Variants in EYA2 observed in about 807,000 individuals in gnomAD.
The protein encoded by EYA2 is EYA transcriptional coactivator and phosphatase 2.
EYA2 carries 31 observed loss-of-function variants against 69.2 expected under a neutral mutation model. The ratio of observed to expected loss-of-function variants is 0.45; its 90% confidence interval spans 0.34 to 0.60. The LOEUF (loss-of-function observed/expected upper bound fraction) is 0.60, where lower values mean the gene tolerates loss of function less well. Ranked by LOEUF, EYA2 falls within the 20% of genes least tolerant of loss-of-function variation. The pLI is 0.02. For synonymous variants in EYA2, 257 were observed against 279.4 expected (o/e 0.92, Z 0.80); for missense variants, 622 against 701.2 (o/e 0.89, Z 1.28).
At chr20:47,041,864 T>C (rs921676496) in intron 5 of EYA2, among the ~76,000 whole-genome samples, 6 of 152,150 alleles carry the variant, frequency 3.9e-5, no homozygotes, top group African/African-American at 1.4e-4. Flanking sequence ...ACAGACTTCT[T>C]TTGGTTCAAA....
chr20:46,904,143 T>C (rs1313646606), intron 1 of EYA2, among the ~76,000 whole-genome samples: 1 of 152,218 alleles, frequency 6.6e-6, no homozygotes, highest in Non-Finnish European at 1.5e-5. Flanking sequence ...AGCAGGGGTC[T>C]GACCCTCTCA....
At chr20:47,167,271 GT>G (rs776477690) in intron 10 of EYA2, among the ~76,000 whole-genome samples, 4 of 116,968 alleles carry the variant, frequency 3.4e-5, no homozygotes, top group African/African-American at 7.0e-5. Context: ...AGGAGAATCG[GT>G]TTTTTTACTT....
chr20:47,159,766 G>T (rs11696620), intron 10 of EYA2, among the ~76,000 whole-genome samples: 34,455 of 151,856 alleles, frequency 0.23, 4,905 homozygotes, highest in African/African-American at 0.41. Flanking sequence ...AAGGTGGGCG[G>T]ATCACTTGTG....
chr20:47,078,457 A>G (rs189155741), intron 7 of EYA2, among the ~76,000 whole-genome samples: 13 of 152,304 alleles, frequency 8.5e-5, no homozygotes, highest in African/African-American at 1.7e-4. Context: ...CAGAGGCTCT[A>G]GAGGTTTACT....
intron 1 of EYA2, among the ~76,000 whole-genome samples, chr20:46,968,935 G>A (rs553218821): frequency 8.9e-4 from 136 of 152,260 alleles, no homozygotes; most frequent in African/African-American, 3.2e-3. Flanking sequence ...TATCTCATGG[G>A]TTATTTTAAG....
intron 1 of EYA2, among the ~76,000 whole-genome samples, chr20:46,919,788 C>G (rs1370266850): frequency 6.6e-6 from 1 of 152,248 alleles, no homozygotes; most frequent in Admixed American, 6.5e-5. Context: ...TAGCTTTCAT[C>G]CTGTCTCAGC....
chr20:47,097,953 G>A (rs924777832), intron 9 of EYA2, among the ~76,000 whole-genome samples: 10 of 152,290 alleles, frequency 6.6e-5, no homozygotes, highest in African/African-American at 1.9e-4. Context: ...CTGCTTCCAC[G>A]CATGGGTAGG....
chr20:47,117,288 G>A, intron 9 of EYA2: 3 of 820,998 alleles, frequency 3.7e-6, no homozygotes, highest in Non-Finnish European at 4.4e-6. Context: ...GGGGTTACAG[G>A]CATGAGCCAC....
chr20:46,985,275 A>G (rs765147991), intron 1 of EYA2, among the ~76,000 whole-genome samples: 75 of 152,282 alleles, frequency 4.9e-4, no homozygotes, highest in Non-Finnish European at 7.6e-4. Context: ...GATGGAATGA[A>G]CAAGATTCTG....
intron 9 of EYA2, among the ~76,000 whole-genome samples, chr20:47,115,551 C>T (rs1046844825): frequency 2.0e-5 from 3 of 152,146 alleles, no homozygotes; most frequent in East Asian, 1.9e-4. Flanking sequence ...CTGACCCATA[C>T]GCCAACCATC....
intron 5 of EYA2, chr20:47,071,980 C>A (rs1341730366): frequency 3.3e-6 from 2 of 598,828 alleles, no homozygotes; most frequent in East Asian, 5.5e-5. Flanking sequence ...TGGTGGTAGG[C>A]GTCACCAGAG....
intron 8 of EYA2, among the ~76,000 whole-genome samples, 184 bp from the exon 9 acceptor site, chr20:47,096,901 G>A (rs1019941708): frequency 4.6e-5 from 7 of 152,168 alleles, no homozygotes; most frequent in African/African-American, 1.2e-4. Context: ...CTGGGCATCC[G>A]AATACACATG....
intron 1 of EYA2, among the ~76,000 whole-genome samples, chr20:46,922,421 T>C (rs1985220638): frequency 6.6e-6 from 1 of 152,188 alleles, no homozygotes; most frequent in African/African-American, 2.4e-5. Context: ...TACTGTACAT[T>C]CCAAAATGTT....
intron 10 of EYA2, among the ~76,000 whole-genome samples, chr20:47,150,222 C>T (rs1036129886): frequency 3.9e-5 from 6 of 152,164 alleles, no homozygotes; most frequent in Admixed American, 1.3e-4. Context: ...GGCCCCTGTC[C>T]GCTTCTCTTC....
intron 9 of EYA2, among the ~76,000 whole-genome samples, chr20:47,136,102 AT>A (rs1486637894): frequency 2.0e-5 from 3 of 152,156 alleles, no homozygotes; most frequent in South Asian, 2.1e-4. Context: ...CATTAAAACA[AT>A]TTTTTGGTAA....
chr20:47,182,200 A>G (rs1018596963), intron 14 of EYA2, among the ~76,000 whole-genome samples: 8 of 151,852 alleles, frequency 5.3e-5, no homozygotes, highest in Non-Finnish European at 1.2e-4. Context: ...TTTTTAGTAG[A>G]GACGGGGTTT....
intron 15 of EYA2, among the ~76,000 whole-genome samples, chr20:47,185,751 A>T (rs2034627413): frequency 6.6e-6 from 1 of 152,184 alleles, no homozygotes; most frequent in Admixed American, 6.5e-5. Flanking sequence ...TTCCCATAGG[A>T]GATGGTTTTC....
chr20:47,036,394 T>C (rs764789461), intron 5 of EYA2, among the ~76,000 whole-genome samples: 47 of 152,340 alleles, frequency 3.1e-4, no homozygotes, highest in Middle Eastern at 6.8e-3. Flanking sequence ...GTTTGTTTAG[T>C]GACCCAGCAA....
chr20:47,029,728 C>T (rs1984296337), intron 5 of EYA2, among the ~76,000 whole-genome samples: 1 of 152,286 alleles, frequency 6.6e-6, no homozygotes, highest in East Asian at 1.9e-4. Context: ...ACACTTCTTC[C>T]AAGTTTCATT....
Sources: allele counts gnomAD v4.1 joint callset (sites outside exome capture counted in the v4.1 genomes callset), GRCh38; gene constraint gnomAD v4.1.1; transcripts MANE v1.5; gene names NCBI Gene and HGNC (gene_info 2026-07-23, HGNC 2026-07-21).